The following AP1B1 variants were observed in gnomAD, a reference collection of about 807,000 sequenced individuals.
AP1B1 encodes adaptor related protein complex 1 subunit beta 1.
AP1B1 carries 36 observed loss-of-function variants against 104.3 expected under a neutral mutation model. The observed-to-expected ratio is 0.35, with a 90% CI of 0.26 to 0.46. The LOEUF is 0.46. Ranked by LOEUF, AP1B1 falls within the 20% of genes least tolerant of loss-of-function variation. The pLI, the probability that AP1B1 is intolerant of heterozygous loss-of-function variation, is 1.00. For missense variants in AP1B1, 901 were observed against 1,247.9 expected, an observed-to-expected ratio of 0.72 and a Z score of 4.19; for synonymous variants, 504 against 517.5, an observed-to-expected ratio of 0.97 and a Z score of 0.35.
chr22:29,351,876 G>A, intron 7 of AP1B1, 51 bp from the exon 8 acceptor site: 1 of 1,601,886 alleles, frequency 6.2e-7, no homozygotes. Flanking sequence ...CTTAAGCCCT[G>A]TGAGAAAATG....
At chr22:29,381,667 G>C (rs1295042616) in intron 1 of AP1B1, among the ~76,000 whole-genome samples, 3 of 152,220 alleles carry the variant, frequency 2.0e-5, no homozygotes. Flanking sequence ...TTATGAGAGA[G>C]AGAAGAAATG....
At chr22:29,345,928 C>T (rs998290994) in intron 11 of AP1B1, among the ~76,000 whole-genome samples, 43 of 152,318 alleles carry the variant, frequency 2.8e-4, no homozygotes, top group Middle Eastern at 3.4e-3. Context: ...AAGTGATCTG[C>T]CTGCCTTGGC....
Position 29,350,041 on chromosome 22 carries a change from G to A in AP1B1, c.1265C>T (p.Pro422Leu). The A allele has an allele frequency of 6.2e-7, 1 of 1,613,988 alleles. No homozygotes were observed. Among genetic ancestry groups the A allele is most frequent in the Non-Finnish European group, 8.5e-7 (1 of 1,179,834 alleles). ...VVIKDIFRKY[P>L]NKYESVIATL... is the part of the protein sequence containing the mutation. ...TAGGAGGGCGGGCACGCACTTGTTG[G>A]GGTACTTGCGGAAGATGTCCTTGAT... The change falls in exon 10 of 23, where the codon CCC (proline) becomes CTC (leucine). Residue 422 changes from proline to leucine, a missense_variant. Around this residue, in one of 3 missense-constraint regions of AP1B1, gnomAD observed 471 missense variants for 696.7 expected, o/e 0.68. Coordinates refer to ENST00000357586, the MANE Select transcript of AP1B1 (RefSeq NM_001127.4).
intron 2 of AP1B1, among the ~76,000 whole-genome samples, chr22:29,364,194 T>C (rs1289181445): frequency 3.3e-5 from 5 of 152,226 alleles, no homozygotes; most frequent in South Asian, 2.1e-4. Flanking sequence ...AAACAGCTTG[T>C]TCAGGGTTTC....
intron 22 of AP1B1, chr22:29,329,353 G>A (rs1184179487): frequency 8.3e-7 from 1 of 1,209,078 alleles, no homozygotes; most frequent in African/African-American, 1.6e-5. Flanking sequence ...GCACGGTAGA[G>A]ACTTTGCCTC....
At chr22:29,332,578 G>A (rs889630775) in intron 17 of AP1B1, among the ~76,000 whole-genome samples, 3 of 152,208 alleles carry the variant, frequency 2.0e-5, no homozygotes, top group Non-Finnish European at 2.9e-5. Context: ...CCTGGGCTGC[G>A]GATTCAATAT....
intron 15 of AP1B1, 130 bp downstream of exon 15, chr22:29,339,624 T>C: frequency 1.0e-6 from 1 of 980,794 alleles, no homozygotes; most frequent in Non-Finnish European, 1.5e-6. Context: ...GCCAGGATGC[T>C]GGACCAAGGC....
At chr22:29,344,034 C>T (rs984705509) in intron 11 of AP1B1, among the ~76,000 whole-genome samples, 15 of 150,590 alleles carry the variant, frequency 1.0e-4, no homozygotes, top group Admixed American at 2.6e-4. Context: ...TGCTTGAACC[C>T]GGGAGGCAGA....
chr22:29,386,200 A>G (rs1374779722), intron 1 of AP1B1, among the ~76,000 whole-genome samples: 1 of 152,148 alleles, frequency 6.6e-6, no homozygotes, highest in Non-Finnish European at 1.5e-5. Flanking sequence ...AAGGGTGGCC[A>G]GTATTATTTT....
chr22:29,353,364 C>T (rs892911994), intron 7 of AP1B1, among the ~76,000 whole-genome samples: 7 of 152,134 alleles, frequency 4.6e-5, no homozygotes, highest in African/African-American at 7.2e-5. Context: ...GCGATTAGGA[C>T]TTGGCAAAAG....
chr22:29,338,868 C>T, intron 16 of AP1B1, 122 bp downstream of exon 16: 1 of 1,398,792 alleles, frequency 7.1e-7, no homozygotes, highest in Non-Finnish European at 9.7e-7. Context: ...CCTGTGGCCC[C>T]CAGCTTCCCT....
intron 15 of AP1B1, among the ~76,000 whole-genome samples, chr22:29,339,455 G>A (rs1187392222): frequency 6.6e-6 from 1 of 152,128 alleles, no homozygotes; most frequent in African/African-American, 2.4e-5. Context: ...ACGCAGATGG[G>A]TGCTCTCCCT....
At chr22:29,342,420 C>T (rs780416056) in intron 11 of AP1B1, 37 bp from the exon 12 acceptor site, 2 of 1,551,892 alleles carry the variant, frequency 1.3e-6, no homozygotes, top group Non-Finnish European at 1.8e-6. Flanking sequence ...GAAGTGTGGG[C>T]CTCACATGGG....
chr22:29,366,070 G>T (rs1363826779), intron 2 of AP1B1, among the ~76,000 whole-genome samples: 1 of 152,152 alleles, frequency 6.6e-6, no homozygotes, highest in Non-Finnish European at 1.5e-5. Context: ...CTTTTCATCT[G>T]GTCGGCAGGC....
Position 29,334,326 on chromosome 22 carries a change from G to T in AP1B1, c.2248C>A (p.Gln750Lys). 6.2e-7 allele frequency: 1 copy of T among 1,611,688 alleles called. No individual in the cohort carries two copies. The highest frequency in any genetic ancestry group is 8.5e-7 in the Non-Finnish European group (1 of 1,179,236). ...ACCTGCAAGGCCTTGTTGGTCAGCT[G>T]CAGGTCCATGGAGATGGAGCCCACC... is the stretch of plus-strand genomic sequence containing the variant. ...RQVGSISMDLQLTNKALQVMT... is the reference protein window; with the variant it reads ...RQVGSISMDLKLTNKALQVMT... Residue 750 changes from glutamine (Q) to lysine (K), a missense_variant, in exon 17 of 23, where the codon CAG becomes AAG. Coordinates refer to ENST00000357586, the MANE Select transcript of AP1B1 (RefSeq NM_001127.4).
intron 1 of AP1B1, among the ~76,000 whole-genome samples, chr22:29,372,150 T>A (rs1196493265): frequency 6.6e-6 from 1 of 152,074 alleles, no homozygotes; most frequent in Non-Finnish European, 1.5e-5. Flanking sequence ...AGGCTGGGCA[T>A]GGTGGCTCAC....
At chr22:29,342,461 G>C in intron 11 of AP1B1, 78 bp from the exon 12 acceptor site, 1 of 1,224,436 alleles carries the variant, frequency 8.2e-7, no homozygotes, top group Non-Finnish European at 1.2e-6. Context: ...GCTTGAAGAG[G>C]AATAGGGTGT....
intron 1 of AP1B1, among the ~76,000 whole-genome samples, chr22:29,383,510 A>C (rs2062470217): frequency 1.3e-5 from 2 of 152,050 alleles, no homozygotes; most frequent in Non-Finnish European, 2.9e-5. Context: ...GGAGATCGAG[A>C]CCATCCTGGC....
Position 29,364,955 on chromosome 22 carries a change from C to T in AP1B1, c.38-1849G>A, listed in dbSNP as rs1023104434. Among the ~76,000 whole-genome samples the T allele has an allele frequency of 1.6e-3, 250 of 152,210 alleles. 1 individual carries two copies. The highest frequency in any genetic ancestry group is 2.2e-4 in the Non-Finnish European group (15 of 68,008). On this transcript the variant is annotated intron_variant, in intron 2 of 22. Coordinates refer to ENST00000357586, the MANE Select transcript of AP1B1 (RefSeq NM_001127.4). ...AACTCCTGACCTCAGGTGATCCACC[C>T]GCCTCAGCCTCCCAAAGTGTTGAGA... is the stretch of plus-strand genomic sequence containing the variant.
Sources: gnomAD v4.1 joint callset for allele counts (sites outside exome capture counted in the v4.1 genomes callset) on GRCh38, gnomAD v4.1.1 for gene constraint, gnomAD v4.1.1 regional missense constraint, MANE v1.5 for transcripts, NCBI Gene and HGNC (gene_info 2026-07-23, HGNC 2026-07-21) for gene names.